The following ZNF365 variants were observed in gnomAD, a reference collection of about 807,000 sequenced individuals.
ZNF365 encodes protein ZNF365.
A neutral mutation model predicts 35.0 loss-of-function variants in ZNF365; 22 were observed. The ratio of observed to expected loss-of-function variants is 0.63; its 90% CI spans 0.45 to 0.90. ZNF365 has a LOEUF of 0.90. Among genes scored for constraint, ZNF365 ranks in the 40% least tolerant of loss-of-function variants. The pLI is 0.00. For missense variants in ZNF365, 448 were observed against 500.3 expected (o/e 0.90, Z 1.00); for synonymous variants, 188 against 196.2 (o/e 0.96, Z 0.35).
rs1205779712 is a variant in ZNF365 at position 62,399,827 on chromosome 10, T to C, written c.*38T>C. 1.3e-6 allele frequency: 2 copies of C among 1,570,848 alleles called. No individual in the cohort carries two copies. Among genetic ancestry groups the C allele is most frequent in the Non-Finnish European group, 1.7e-6 (2 of 1,157,184 alleles). On this transcript the variant is annotated 3_prime_UTR_variant, in exon 5 of 5. Coordinates refer to ENST00000395254, the MANE Select transcript of ZNF365 (RefSeq NM_014951.3). Reference sequence around the variant, plus strand: ...TGCTGGACCAATCATCGCTGGGCTTTGGGGAACGTTGTTCCAGGAGCCAAC... The same window carrying C: ...TGCTGGACCAATCATCGCTGGGCTTCGGGGAACGTTGTTCCAGGAGCCAAC...
chr10:62,398,939 T>G (rs1398271075), intron 4 of ZNF365, among the ~76,000 whole-genome samples, 162 bp downstream of exon 4: 1 of 152,224 alleles, frequency 6.6e-6, no homozygotes, highest in Non-Finnish European at 1.5e-5. Flanking sequence ...TCTAACTTTG[T>G]GAAAAGTTGA....
chr10:62,413,821 G>A (rs1472374726), intron 3 of ZNF365, among the ~76,000 whole-genome samples: 1 of 152,040 alleles, frequency 6.6e-6, no homozygotes, highest in East Asian at 1.9e-4. Flanking sequence ...ACAAATATTG[G>A]CCCTCTCTTC....
intron 2 of ZNF365, among the ~76,000 whole-genome samples, chr10:62,380,098 G>T (rs962103454): frequency 1.3e-5 from 2 of 152,162 alleles, no homozygotes; most frequent in Non-Finnish European, 2.9e-5. Flanking sequence ...AGACCCAAAG[G>T]CTGCTTCTGC....
chr10:62,379,058 T>C (rs1839385246), intron 2 of ZNF365, among the ~76,000 whole-genome samples: 1 of 151,508 alleles, frequency 6.6e-6, no homozygotes, highest in Non-Finnish European at 1.5e-5. Context: ...AGTCTCACTT[T>C]GTCACCCAGG....
rs975826024 is a variant in ZNF365 at position 62,480,037 on chromosome 10, C to T, written c.*141C>T. ...CCAGGAACTTTACAAGAAACTTGGGCTACTTGGTGACTTTACTCACCAGGA... is the reference window on the plus strand; with the variant it reads ...CCAGGAACTTTACAAGAAACTTGGGTTACTTGGTGACTTTACTCACCAGGA... On this transcript the variant is annotated 3_prime_UTR_variant, in exon 5 of 5. Coordinates refer to the ZNF365 transcript ENST00000395255. The T allele has an allele frequency of 2.3e-5, 33 of 1,425,066 alleles. No homozygotes were observed. The African/African-American group carries it at 4.5e-4, about 19-fold the overall frequency. The allele number at this position is 1,425,066 out of a possible 1,614,324, so 88.3% of individuals were successfully genotyped here.
chr10:62,440,734 G>A (rs577069318), intron 3 of ZNF365, among the ~76,000 whole-genome samples: 61 of 152,252 alleles, frequency 4.0e-4, no homozygotes, highest in Non-Finnish European at 6.3e-4. Context: ...GCTGAAATCC[G>A]ATTCCTGGTC....
chr10:62,456,700 A>G (rs530021506), intron 3 of ZNF365, among the ~76,000 whole-genome samples: 3 of 152,314 alleles, frequency 2.0e-5, no homozygotes, highest in Admixed American at 6.5e-5. Context: ...TTCAAGTTCT[A>G]TGTGGTGACC....
In ZNF365 at chr10:62,459,838, A is replaced by G. The variant is rs1329829968; in HGVS notation, c.981+41A>G. On this transcript the variant is annotated intron_variant, in intron 4 of 4. Transcript: ENST00000395255. ...GGGTGGGTGGGTTGGGCCTGGTTAC[A>G]ATAACCAGCAGCCCATCTGGGTCCA... is the stretch of plus-strand genomic sequence containing the variant. The G allele has an allele frequency of 1.9e-6, 3 of 1,566,328 alleles. No individual in the cohort carries two copies. The Admixed American group carries it at 5.4e-5, about 28-fold the overall frequency.
At chr10:62,472,386 G>A (rs1287409768) in intron 4 of ZNF365, among the ~76,000 whole-genome samples, 1 of 152,224 alleles carries the variant, frequency 6.6e-6, no homozygotes, top group East Asian at 1.9e-4. Context: ...TGAGTATGCA[G>A]ATGGCATCTT....
At chr10:62,453,733 C>G (rs1353159944) in intron 3 of ZNF365, among the ~76,000 whole-genome samples, 1 of 151,956 alleles carries the variant, frequency 6.6e-6, no homozygotes, top group Non-Finnish European at 1.5e-5. Context: ...AATTCTACTT[C>G]TATAGATTTT....
Position 62,445,072 on chromosome 10 carries a change from A to G in ZNF365, c.925-14669A>G, listed in dbSNP as rs553164104. ...TAGTTTACTGAGAATGATGATTTCCAATTTCATCCATGTCCCTACAAAGGA... is the reference window on the plus strand; with the variant it reads ...TAGTTTACTGAGAATGATGATTTCCGATTTCATCCATGTCCCTACAAAGGA... On this transcript the variant is annotated intron_variant, in intron 3 of 4. Coordinates refer to the ZNF365 transcript ENST00000395255. Among the ~76,000 whole-genome samples the G allele has an allele frequency of 3.4e-4, 52 of 151,642 alleles. No homozygotes were observed. The South Asian group carries it at 7.9e-3, about 23-fold the overall frequency.
intron 3 of ZNF365, among the ~76,000 whole-genome samples, chr10:62,436,158 A>T (rs980035160): frequency 6.6e-6 from 1 of 152,106 alleles, no homozygotes. Context: ...AGCCACCACC[A>T]TCTAATGTAT....
At chr10:62,467,915 A>G (rs1840970748) in intron 4 of ZNF365, among the ~76,000 whole-genome samples, 2 of 152,136 alleles carry the variant, frequency 1.3e-5, no homozygotes, top group Non-Finnish European at 2.9e-5. Flanking sequence ...TTTAATTCAC[A>G]CTGAGACCCA....
At chr10:62,415,430 A>AT (rs1840058435) in intron 3 of ZNF365, among the ~76,000 whole-genome samples, 1 of 152,004 alleles carries the variant, frequency 6.6e-6, no homozygotes, top group African/African-American at 2.4e-5. Flanking sequence ...TGGTCCTGTT[A>AT]TTACGATATT....
At chr10:62,456,836 GCACACATGCACA>G (rs1386788420) in intron 3 of ZNF365, among the ~76,000 whole-genome samples, 3 of 142,616 alleles carry the variant, frequency 2.1e-5, no homozygotes, top group African/African-American at 8.8e-5. Flanking sequence ...ACACACGTGC[GCACACATGCACA>G]CACACACACA....
intron 3 of ZNF365, among the ~76,000 whole-genome samples, chr10:62,423,773 T>A (rs1002269525): frequency 6.6e-6 from 1 of 152,200 alleles, no homozygotes; most frequent in Non-Finnish European, 1.5e-5. Context: ...TTAGGACTAA[T>A]AAAATGCATG....
intron 4 of ZNF365, among the ~76,000 whole-genome samples, chr10:62,472,737 A>T (rs1422736146): frequency 6.6e-6 from 1 of 152,108 alleles, no homozygotes; most frequent in African/African-American, 2.4e-5. Context: ...AAACTAATAT[A>T]CTTTCCTTGC....
chr10:62,471,787 A>G (rs1841043447), intron 4 of ZNF365, among the ~76,000 whole-genome samples: 1 of 152,190 alleles, frequency 6.6e-6, no homozygotes, highest in Non-Finnish European at 1.5e-5. Flanking sequence ...CATTATTTTG[A>G]ATTTTTATTG....
intron 2 of ZNF365, among the ~76,000 whole-genome samples, chr10:62,385,140 T>C (rs546691547): frequency 3.3e-5 from 5 of 152,332 alleles, no homozygotes; most frequent in African/African-American, 9.6e-5. Context: ...AACAAAATCA[T>C]AGGATACCAT....
Sources: allele counts gnomAD v4.1 joint callset (sites outside exome capture counted in the v4.1 genomes callset), GRCh38; gene constraint gnomAD v4.1.1; transcripts MANE v1.5; gene names NCBI Gene and HGNC (gene_info 2026-07-23, HGNC 2026-07-21).